The following SETBP1 variants were observed in gnomAD, a reference collection of about 807,000 sequenced individuals.
SETBP1 encodes the protein SET-binding protein.
Under a neutral mutation model 101.0 loss-of-function variants are expected in SETBP1, and 9 were observed. The ratio of observed to expected loss-of-function variants is 0.09; its 90% CI spans 0.05 to 0.16. The LOEUF (loss-of-function observed/expected upper bound fraction) is 0.16, where lower values mean the gene tolerates loss of function less well. Among genes scored for constraint, SETBP1 ranks in the 10% least tolerant of loss-of-function variants. SETBP1 has a pLI of 1.00. For synonymous variants in SETBP1, 818 were observed against 788.5 expected (o/e 1.04, Z -0.63); for missense variants, 1,858 against 2,033.8 (o/e 0.91, Z 1.66).
intron 2 of SETBP1, among the ~76,000 whole-genome samples, chr18:44,758,105 G>A (rs10853523): frequency 0.79 from 120,304 of 151,988 alleles, 47,724 homozygotes; most frequent in Admixed American, 0.82. Context: ...TCTATTATCC[G>A]TGTAGCGTAC....
chr18:44,858,479 A>C (rs1359638781), intron 2 of SETBP1, among the ~76,000 whole-genome samples: 1 of 152,264 alleles, frequency 6.6e-6, no homozygotes, highest in Non-Finnish European at 1.5e-5. Flanking sequence ...TAAAATAAAC[A>C]AGCAAATAAC....
In SETBP1 at chr18:44,840,957, C is replaced by T. The variant is rs1342102584; in HGVS notation, c.487-28273C>T. On this transcript the variant is annotated intron_variant, in intron 2 of 5. Transcript: ENST00000649279. ...GTTGGAAACTTATGATTTGTTCATC[C>T]TTAACATAAAAGTAAGGAAACTGAT... Among the ~76,000 whole-genome samples, 4 of 152,172 alleles carry T rather than the reference C, an allele frequency of 2.6e-5. No individual in the cohort carries two copies. The East Asian group carries it at 7.7e-4, about 29-fold the overall frequency.
At chr18:44,713,341 G>T (rs562730334) in intron 2 of SETBP1, among the ~76,000 whole-genome samples, 5 of 152,220 alleles carry the variant, frequency 3.3e-5, no homozygotes, top group African/African-American at 7.2e-5. Context: ...GCCTTCACGG[G>T]GGGGGACGTG....
intron 4 of SETBP1, among the ~76,000 whole-genome samples, chr18:44,985,039 G>C (rs1176659232): frequency 6.6e-6 from 1 of 152,128 alleles, no homozygotes; most frequent in Non-Finnish European, 1.5e-5. Context: ...TACTCGGGAG[G>C]CTGAAGCAGG....
intron 4 of SETBP1, among the ~76,000 whole-genome samples, chr18:44,995,358 G>C (rs2145306532): frequency 1.3e-5 from 2 of 152,062 alleles, no homozygotes; most frequent in Middle Eastern, 6.8e-3. Flanking sequence ...AGCCAGGACG[G>C]TCTTGATCTC....
At chr18:45,052,034 G>GT (rs36035524) in intron 5 of SETBP1, among the ~76,000 whole-genome samples, 64,440 of 152,150 alleles carry the variant, frequency 0.42, 14,053 homozygotes, top group Non-Finnish European at 0.48. Context: ...TTGATTTCAA[G>GT]TAAGTCAGCT....
At chr18:44,690,737 T>G (rs773986271) in intron 1 of SETBP1, among the ~76,000 whole-genome samples, 8 of 152,228 alleles carry the variant, frequency 5.3e-5, no homozygotes, top group Non-Finnish European at 1.0e-4. Flanking sequence ...TAAAATCAGT[T>G]AGTAAATCAG....
intron 5 of SETBP1, among the ~76,000 whole-genome samples, chr18:45,041,261 A>T (rs138875229): frequency 6.6e-6 from 1 of 152,258 alleles, no homozygotes; most frequent in African/African-American, 2.4e-5. Context: ...TCATAATTTG[A>T]TGGGGTAGAT....
intron 2 of SETBP1, among the ~76,000 whole-genome samples, chr18:44,763,732 G>T (rs141929157): frequency 2.0e-5 from 3 of 152,282 alleles, no homozygotes; most frequent in South Asian, 4.1e-4. Flanking sequence ...TGACCTCACA[G>T]TCTCATTTGA....
At chr18:44,960,710 A>G (rs2071594224) in intron 4 of SETBP1, among the ~76,000 whole-genome samples, 1 of 152,014 alleles carries the variant, frequency 6.6e-6, no homozygotes, top group Non-Finnish European at 1.5e-5. Flanking sequence ...TTCTTCCCTG[A>G]CCACTCCCTT....
rs751560427 is a variant in SETBP1 at position 44,952,575 on chromosome 18, C to T, written c.3235C>T (p.Leu1079Phe). 15 of 1,613,834 alleles carry T rather than the reference C, an allele frequency of 9.3e-6. No individual in the cohort carries two copies. The highest frequency in any genetic ancestry group is 1.3e-5 in the Non-Finnish European group (15 of 1,179,854). Residue 1079 changes from leucine to phenylalanine, a missense_variant, in exon 4 of 6, where the codon CTT (leucine) becomes TTT (phenylalanine). Coordinates refer to ENST00000649279, the MANE Select transcript of SETBP1 (RefSeq NM_015559.3). ...AGCTCCTTTGTACCTATCGCACACG[C>T]TTGGAGCAGCTTCCCCATTCATGAG... The part of the protein sequence containing the change: ...YPAPLYLSHT[L>F]GAASPFMRPT...
intron 2 of SETBP1, among the ~76,000 whole-genome samples, chr18:44,791,833 A>G (rs1339240310): frequency 6.6e-6 from 1 of 152,202 alleles, no homozygotes; most frequent in East Asian, 1.9e-4. Context: ...CTTGAAAAGC[A>G]CAGAGTGATG....
intron 4 of SETBP1, among the ~76,000 whole-genome samples, chr18:44,992,680 C>T (rs1440937176): frequency 6.6e-6 from 1 of 151,916 alleles, no homozygotes; most frequent in African/African-American, 2.4e-5. Flanking sequence ...CCACATTTCC[C>T]TTTAATCATT....
At chr18:45,009,025 C>T (rs1250267768) in intron 4 of SETBP1, among the ~76,000 whole-genome samples, 2 of 152,090 alleles carry the variant, frequency 1.3e-5, no homozygotes, top group Non-Finnish European at 2.9e-5. Flanking sequence ...GAGGCAATTG[C>T]CACCGTGTGC....
At position 44,950,431 on chromosome 18, in the gene SETBP1, A is replaced by G. The variant is rs775007174; in HGVS notation, c.1091A>G (p.Asn364Ser). ...WVKNAQKAFD[N>S]TEGKREGYSA... ...AAGAATGCCCAGAAAGCATTTGACA[A>G]TACAGAAGGGAAAAGGGAAGGTTAT... The change falls in exon 4 of 6, where the codon AAT becomes AGT. Residue 364 changes from asparagine to serine, a missense_variant. Coordinates refer to ENST00000649279, the MANE Select transcript of SETBP1 (RefSeq NM_015559.3). The G allele has an allele frequency of 1.9e-6, 3 of 1,614,188 alleles. No individual in the cohort carries two copies. The highest frequency in any genetic ancestry group is 3.3e-5 in the Admixed American group (2 of 60,030).
chr18:44,952,131 G>A lies in SETBP1; in HGVS notation c.2791G>A (p.Glu931Lys), dbSNP rs369406638. The A allele has an allele frequency of 1.1e-5, 18 of 1,613,964 alleles. No homozygotes were observed. Among genetic ancestry groups the A allele is most frequent in the African/African-American group, 1.3e-5 (1 of 74,894 alleles). The change falls in exon 4 of 6, where the codon GAA becomes AAA. Residue 931 changes from glutamate to lysine, a missense_variant. Glu to Lys is a moderately conservative substitution (Grantham distance 56). Around this residue, in one of 12 missense-constraint regions of SETBP1, gnomAD observed 255 missense variants for 300.1 expected, o/e 0.85. Coordinates refer to ENST00000649279, the MANE Select transcript of SETBP1 (RefSeq NM_015559.3). ...CATTGTGGACAACTTTCTGGCCCAC[G>A]AAAGCCTCAAGAAGCCAAAGCACAA... ...HLIVDNFLAH[E>K]SLKKPKHKRK...
At chr18:44,859,581 A>G (rs184445367) in intron 2 of SETBP1, among the ~76,000 whole-genome samples, 2 of 152,328 alleles carry the variant, frequency 1.3e-5, no homozygotes, top group Admixed American at 1.3e-4. Flanking sequence ...GTTCAACTAT[A>G]AACTGGAGAA....
intron 2 of SETBP1, among the ~76,000 whole-genome samples, chr18:44,716,261 G>GT (rs1555671865): frequency 6.6e-6 from 1 of 152,148 alleles, no homozygotes; most frequent in Non-Finnish European, 1.5e-5. Context: ...AGCTGCTGCT[G>GT]TCAGCTATAA....
At chr18:44,690,446 C>T (rs1208152497) in intron 1 of SETBP1, among the ~76,000 whole-genome samples, 1 of 152,188 alleles carries the variant, frequency 6.6e-6, no homozygotes, top group Non-Finnish European at 1.5e-5. Flanking sequence ...TAAAACTGAA[C>T]AGGTAGTGAG....
Sources: allele counts gnomAD v4.1 joint callset (sites outside exome capture counted in the v4.1 genomes callset), GRCh38; gene constraint gnomAD v4.1.1; regional missense constraint gnomAD v4.1.1; transcripts MANE v1.5; gene names NCBI Gene and HGNC (gene_info 2026-07-23, HGNC 2026-07-21).